TCEAL9: variants seen among roughly 807,000 people sequenced by gnomAD.
The protein encoded by TCEAL9 is transcription elongation factor A like 9.
In TCEAL9, 2 loss-of-function variants were observed where a neutral mutation model predicts 5.2. The ratio of observed to expected loss-of-function variants is 0.38; its 90% CI spans 0.16 to 1.21. The LOEUF is 1.21. Among genes scored for constraint, TCEAL9 ranks in the 50% most tolerant of loss-of-function variants. The pLI is 0.35. For missense variants in TCEAL9, 76 were observed against 74.2 expected (o/e 1.02, Z -0.09); for synonymous variants, 26 against 22.3 (o/e 1.17, Z -0.47).
At chrX:103,357,350 T>G in intron 2 of TCEAL9, 189 bp downstream of exon 2, 4 of 153,729 alleles carry the variant, frequency 2.6e-5, no homozygotes, top group East Asian at 1.5e-4. Flanking sequence ...TTAGGCCCTA[T>G]GGGGGAAAAA....
Position 103,358,156 on chromosome X carries a change from TTTG to T in TCEAL9, c.*158_*160del. 2.3e-6 allele frequency: 1 copy of T among 440,258 alleles called. No individual in the cohort carries two copies. Among genetic ancestry groups the T allele is most frequent in the Non-Finnish European group, 3.7e-6 (1 of 271,195 alleles). 36.3% of individuals were successfully genotyped at this position (440,258 alleles called of 1,213,427 possible). ...ATCTGCATCTCATTGTTTATTGTAT[TTTG>T]AACCAATCTACAAGTCTCTGTCTTT... is the stretch of plus-strand genomic sequence containing the variant. On this transcript the variant is annotated 3_prime_UTR_variant, in exon 3 of 3. Transcript: ENST00000372661.
At position 103,358,125 on chromosome X, in the gene TCEAL9, CTTG is replaced by C; in HGVS notation, c.*129_*131del. Reference sequence around the variant, plus strand: ...GCTATTAATGGTTTTAGATGTATCTCTTGTTATCTGCATCTCATTGTTTATTGT... The same window carrying C: ...GCTATTAATGGTTTTAGATGTATCTCTTATCTGCATCTCATTGTTTATTGT... On this transcript the variant is annotated 3_prime_UTR_variant, in exon 3 of 3. Transcript: ENST00000372661. The C allele has an allele frequency of 1.8e-6, 1 of 543,953 alleles. No individual in the cohort carries two copies. Among genetic ancestry groups the C allele is most frequent in the Non-Finnish European group, 2.8e-6 (1 of 354,799 alleles). The allele number at this position is 543,953 out of a possible 1,213,427, so 44.8% of individuals were successfully genotyped here.
In TCEAL9 at chrX:103,356,523, C is replaced by G. The variant is rs754609446; in HGVS notation, c.-233C>G. 1.1e-4 allele frequency: 12 copies of G among 111,274 alleles called. No individual in the cohort carries two copies. Among genetic ancestry groups the G allele is most frequent in the South Asian group, 3.9e-4 (1 of 2,542 alleles). The allele number at this position is 111,274 out of a possible 1,213,427, so 9.2% of individuals were successfully genotyped here. The stretch of plus-strand genomic sequence containing the variant: ...GTCCTGGTAATCTGGTCCTTGTTCC[C>G]GTCTGGATACCAGCTTCCTTCAGCA... On this transcript the variant is annotated 5_prime_UTR_variant, in exon 1 of 3. Coordinates refer to ENST00000372661, the MANE Select transcript of TCEAL9 (RefSeq NM_016303.3).
chrX:103,357,890 A>G lies in TCEAL9; in HGVS notation c.206A>G (p.Asp69Gly). The G allele has an allele frequency of 8.3e-7, 1 of 1,211,904 alleles. No homozygotes were observed. Among genetic ancestry groups the G allele is most frequent in the Non-Finnish European group, 1.1e-6 (1 of 895,578 alleles). ...CACAACAGGCATTTAAGCAATGAAG[A>G]TATGTTTAGAGAAGTGGATGAAATA... ...DIHNRHLSNE[D>G]MFREVDEIDE... Residue 69 changes from aspartate to glycine, a missense_variant, in exon 3 of 3, where the codon GAT becomes GGT. Coordinates refer to ENST00000372661, the MANE Select transcript of TCEAL9 (RefSeq NM_016303.3).
At position 103,357,588 on chromosome X, in the gene TCEAL9, A is replaced by T. The variant is rs189160740; in HGVS notation, c.-70-27A>T. ...CACCTGTCCACTCACCAAGTCTTTAACTTACTGTCTTCTTTTTGCTTTCTA... is the reference window on the plus strand; with the variant it reads ...CACCTGTCCACTCACCAAGTCTTTATCTTACTGTCTTCTTTTTGCTTTCTA... On this transcript the variant is annotated intron_variant, in intron 2 of 2. Transcript: ENST00000372661. 2.0e-4 allele frequency: 211 copies of T among 1,071,569 alleles called. 1 individual carries two copies. The African/African-American group carries it at 3.4e-3, about 17-fold the overall frequency. The allele number at this position is 1,071,569 out of a possible 1,213,427, so 88.3% of individuals were successfully genotyped here.
rs749729983 is a variant in TCEAL9 at position 103,357,774 on chromosome X, AGAG to A, written c.97_99del (p.Glu33del). ...AGCCAAAGCCTGAGGAAAAGCCAGA[AGAG>A]GAGGAGAAGCTAGAGGAGGAGGCCA... is the stretch of plus-strand genomic sequence containing the variant. On this transcript the variant is annotated inframe_deletion, in exon 3 of 3. Coordinates refer to ENST00000372661, the MANE Select transcript of TCEAL9 (RefSeq NM_016303.3). 82 of 1,210,154 alleles carry A rather than the reference AGAG, an allele frequency of 6.8e-5. No homozygotes were observed. In the African/African-American group the frequency reaches 1.4e-3, roughly 21 times the overall value.
Position 103,358,138 on chromosome X carries a change from T to A in TCEAL9, c.*139T>A. 1 of 492,195 alleles carries A rather than the reference T, an allele frequency of 2.0e-6. No individual in the cohort carries two copies. The highest frequency in any genetic ancestry group is 4.8e-5 in the Admixed American group (1 of 20,946). The allele number at this position is 492,195 out of a possible 1,213,427, so 40.6% of individuals were successfully genotyped here. On this transcript the variant is annotated 3_prime_UTR_variant, in exon 3 of 3. Transcript: ENST00000372661. ...TTAGATGTATCTCTTGTTATCTGCA[T>A]CTCATTGTTTATTGTATTTTGAACC...
Position 103,358,043 on chromosome X carries a change from G to A in TCEAL9, c.*44G>A. The A allele has an allele frequency of 9.2e-7, 1 of 1,087,583 alleles. No individual in the cohort carries two copies. The highest frequency in any genetic ancestry group is 1.2e-6 in the Non-Finnish European group (1 of 813,876). The allele number at this position is 1,087,583 out of a possible 1,213,427, so 89.6% of individuals were successfully genotyped here. A position where few individuals can be genotyped will look rare whatever the true frequency, so the allele number is the denominator to read the frequency against. On this transcript the variant is annotated 3_prime_UTR_variant, in exon 3 of 3. Transcript: ENST00000372661. The stretch of plus-strand genomic sequence containing the variant: ...TGATATTAACAATACCATATAGCTT[G>A]CTTTTTATTAGCATTTCCTGATATT...
At position 103,357,837 on chromosome X, in the gene TCEAL9, A is replaced by G. The variant is rs374895323; in HGVS notation, c.153A>G (p.Gln51=). The change falls in exon 3 of 3, where the codon CAA becomes CAG. Residue 51 remains glutamine, a synonymous_variant. Coordinates refer to ENST00000372661, the MANE Select transcript of TCEAL9 (RefSeq NM_016303.3). The part of the protein sequence containing the change: ...AKGTFRERLI[Q]SLQEFKEDIH... Reference sequence around the variant, plus strand: ...GAACTTTTAGAGAAAGGCTGATTCAATCTCTCCAGGAGTTTAAAGAAGATA... The same window carrying G: ...GAACTTTTAGAGAAAGGCTGATTCAGTCTCTCCAGGAGTTTAAAGAAGATA... The G allele has an allele frequency of 8.3e-7, 1 of 1,212,034 alleles. No homozygotes were observed. Among genetic ancestry groups the G allele is most frequent in the Non-Finnish European group, 1.1e-6 (1 of 895,616 alleles).
Position 103,357,649 on chromosome X carries a change from GA to G in TCEAL9, c.-32del. On this transcript the variant is annotated 5_prime_UTR_variant, in exon 3 of 3. Coordinates refer to ENST00000372661, the MANE Select transcript of TCEAL9 (RefSeq NM_016303.3). ...TATTCAAAGAAGAATAAGCAAGAAA[GA>G]AAAGAAGGAAGGAAGAGAGGTAGAC... The G allele has an allele frequency of 2.6e-6, 3 of 1,144,640 alleles. No homozygotes were observed. The highest frequency in any genetic ancestry group is 3.5e-6 in the Non-Finnish European group (3 of 866,836). 94.3% of individuals were successfully genotyped at this position (1,144,640 alleles called of 1,213,427 possible).
At position 103,357,947 on chromosome X, in the gene TCEAL9, T is replaced by C. The variant is rs367859965; in HGVS notation, c.263T>C (p.Ile88Thr). 5 of 1,210,342 alleles carry C rather than the reference T, an allele frequency of 4.1e-6. No homozygotes were observed. Among genetic ancestry groups the C allele is most frequent in the African/African-American group, 3.5e-5 (2 of 57,386 alleles). Residue 88 changes from isoleucine (I) to threonine (T), a missense_variant, in exon 3 of 3, where the codon ATA (isoleucine) becomes ACA (threonine). Ile to Thr is a moderately conservative substitution (Grantham distance 89). Transcript: ENST00000372661. ...DEIRRVRNKLIVMRWKVNRNH... is the reference protein window; with the variant it reads ...DEIRRVRNKLTVMRWKVNRNH... ...ATAAGGAGAGTCAGAAACAAACTTA[T>C]AGTGATGCGTTGGAAGGTTAATCGA...
chrX:103,357,498 A>T, intron 2 of TCEAL9, 117 bp from the exon 3 acceptor site: 1 of 508,093 alleles, frequency 2.0e-6, no homozygotes. Flanking sequence ...TGGGCTTCTT[A>T]GGTGGAAGAT....
chrX:103,357,464 G>T (rs1299783657), intron 2 of TCEAL9, 151 bp from the exon 3 acceptor site: 6 of 386,061 alleles, frequency 1.6e-5, no homozygotes, highest in Non-Finnish European at 2.2e-5. Flanking sequence ...AAGGAGTGGG[G>T]ATAGTGAAGC....
rs1291143323 is a variant in TCEAL9 at position 103,357,653 on chromosome X, AGAAG to A, written c.-23_-20del. ...CAAAGAAGAATAAGCAAGAAAGAAA[AGAAG>A]GAAGGAAGAGAGGTAGACAGATACA... On this transcript the variant is annotated 5_prime_UTR_variant, in exon 3 of 3. Transcript: ENST00000372661. 14 of 1,149,195 alleles carry A rather than the reference AGAAG, an allele frequency of 1.2e-5. No individual in the cohort carries two copies. Among genetic ancestry groups the A allele is most frequent in the East Asian group, 3.1e-5 (1 of 32,050 alleles). 94.7% of individuals were successfully genotyped at this position (1,149,195 alleles called of 1,213,427 possible). A position where few individuals can be genotyped will look rare whatever the true frequency, so the allele number is the denominator to read the frequency against.
intron 2 of TCEAL9, 174 bp downstream of exon 2, chrX:103,357,335 C>T (rs895779112): frequency 7.6e-6 from 1 of 131,826 alleles, no homozygotes; most frequent in South Asian, 2.9e-4. Context: ...GGCCTGGTCC[C>T]TGTGTTAGGC....
In TCEAL9 at chrX:103,358,193, G is replaced by C; in HGVS notation, c.*194G>C. On this transcript the variant is annotated 3_prime_UTR_variant, in exon 3 of 3. Transcript: ENST00000372661. ...TACAAGTCTCTGTCTTTTAATAAAA[G>C]AACTTTACACATTTGTAAAAAAGAG... 2 of 346,896 alleles carry C rather than the reference G, an allele frequency of 5.8e-6. No homozygotes were observed. The highest frequency in any genetic ancestry group is 9.9e-6 in the Non-Finnish European group (2 of 201,993). The allele number at this position is 346,896 out of a possible 1,213,427, so 28.6% of individuals were successfully genotyped here.
intron 2 of TCEAL9, 179 bp from the exon 3 acceptor site, chrX:103,357,436 G>A: frequency 3.1e-6 from 1 of 321,950 alleles, no homozygotes; most frequent in Non-Finnish European, 5.3e-6. Context: ...GAAGTGAGGA[G>A]GTGGAAAGTG....
chrX:103,356,763 A>G (rs1385950153), intron 1 of TCEAL9, 157 bp downstream of exon 1: 1 of 110,626 alleles, frequency 9.0e-6, no homozygotes, highest in Non-Finnish European at 1.9e-5. Context: ...GTCCTAGGAG[A>G]AGAACAGGGA....
At position 103,357,849 on chromosome X, in the gene TCEAL9, G is replaced by A; in HGVS notation, c.165G>A (p.Glu55=). The change falls in exon 3 of 3, where the codon GAG becomes GAA. Residue 55 remains glutamate (E), a synonymous_variant. Coordinates refer to ENST00000372661, the MANE Select transcript of TCEAL9 (RefSeq NM_016303.3). Reference sequence around the variant, plus strand: ...AAAGGCTGATTCAATCTCTCCAGGAGTTTAAAGAAGATATACACAACAGGC... The same window carrying A: ...AAAGGCTGATTCAATCTCTCCAGGAATTTAAAGAAGATATACACAACAGGC... The part of the protein sequence containing the change: ...FRERLIQSLQ[E]FKEDIHNRHL... 2 of 1,211,764 alleles carry A rather than the reference G, an allele frequency of 1.7e-6. No homozygotes were observed. The highest frequency in any genetic ancestry group is 2.2e-6 in the Non-Finnish European group (2 of 895,555).
Sources: allele counts gnomAD v4.1 joint callset, GRCh38; gene constraint gnomAD v4.1.1; transcripts MANE v1.5; gene names NCBI Gene and HGNC (gene_info 2026-07-23, HGNC 2026-07-21).